Variants in WWOX observed in about 807,000 individuals in gnomAD.
WWOX encodes WW domain-containing oxidoreductase.
A neutral mutation model predicts 46.2 loss-of-function variants in WWOX; 69 were observed. That is an observed-to-expected ratio of 1.49 (90% CI 1.23 to 1.82). The LOEUF (loss-of-function observed/expected upper bound fraction) is 1.82. WWOX is among the 40% of genes most tolerant of loss of function. The probability of loss-of-function intolerance (pLI) is 0.00; values close to 1 mark genes in which losing one functional copy is unlikely to be tolerated. For missense variants in WWOX, 919 were observed against 542.6 expected (o/e 1.69, Z -6.89); for synonymous variants, 359 against 202.6 (o/e 1.77, Z -6.56).
intron 8 of WWOX, among the ~76,000 whole-genome samples, chr16:78,921,416 G>A (rs7204043): frequency 0.14 from 21,227 of 152,188 alleles, 1,903 homozygotes; most frequent in African/African-American, 0.25. Context: ...TAGGAGAGTA[G>A]ATAGAATCCT....
At chr16:78,469,494 G>A (rs146887710) in intron 8 of WWOX, among the ~76,000 whole-genome samples, 186 of 152,300 alleles carry the variant, frequency 1.2e-3, no homozygotes, top group African/African-American at 3.9e-3. Flanking sequence ...GGTGATGATG[G>A]TGTTACGAAT....
chr16:78,351,587 C>G (rs966876594), intron 5 of WWOX, among the ~76,000 whole-genome samples: 9 of 152,196 alleles, frequency 5.9e-5, no homozygotes, highest in African/African-American at 9.6e-5. Context: ...TGGATCCTGA[C>G]TAAGCGGAGC....
At chr16:78,699,828 C>T (rs75652625) in intron 8 of WWOX, among the ~76,000 whole-genome samples, 34 of 152,252 alleles carry the variant, frequency 2.2e-4, no homozygotes, top group African/African-American at 7.7e-4. Context: ...TAATTTATAT[C>T]CATGTAATAT....
chr16:78,182,307 G>T (rs1034430955), intron 5 of WWOX, among the ~76,000 whole-genome samples: 3 of 152,110 alleles, frequency 2.0e-5, no homozygotes, highest in Non-Finnish European at 4.4e-5. Flanking sequence ...GCAAAGAAAA[G>T]AAAAGAAATG....
At chr16:78,636,882 T>A (rs936231416) in intron 8 of WWOX, among the ~76,000 whole-genome samples, 1 of 152,146 alleles carries the variant, frequency 6.6e-6, no homozygotes, top group Non-Finnish European at 1.5e-5. Context: ...AAAGACCAAT[T>A]GTTAAGGACC....
intron 8 of WWOX, among the ~76,000 whole-genome samples, chr16:78,828,072 C>T (rs879393749): frequency 3.3e-5 from 5 of 152,146 alleles, no homozygotes; most frequent in Admixed American, 1.3e-4. Context: ...CCTGGTGTGT[C>T]TATTAGCTCC....
At chr16:78,568,546 G>A (rs1293350573) in intron 8 of WWOX, among the ~76,000 whole-genome samples, 2 of 150,122 alleles carry the variant, frequency 1.3e-5, no homozygotes, top group Non-Finnish European at 1.5e-5. Flanking sequence ...CCCGATCCTG[G>A]GTCACTGCAA....
chr16:78,842,991 G>C (rs772820936), intron 8 of WWOX, among the ~76,000 whole-genome samples: 2 of 150,276 alleles, frequency 1.3e-5, no homozygotes, highest in Admixed American at 1.3e-4. Context: ...AGGACTGGCA[G>C]GTGGAGAGGA....
intron 8 of WWOX, among the ~76,000 whole-genome samples, chr16:78,871,955 G>C (rs993111205): frequency 6.6e-6 from 1 of 152,134 alleles, no homozygotes; most frequent in Non-Finnish European, 1.5e-5. Flanking sequence ...CCATGCCCTA[G>C]GGAGAGCTTG....
intron 4 of WWOX, among the ~76,000 whole-genome samples, chr16:78,127,392 G>T (rs1436937898): frequency 6.6e-6 from 1 of 151,830 alleles, no homozygotes; most frequent in Non-Finnish European, 1.5e-5. Context: ...CTGTGAATTT[G>T]TCCTAAAATG....
At chr16:78,422,084 T>C (rs2082947702) in intron 6 of WWOX, among the ~76,000 whole-genome samples, 1 of 152,242 alleles carries the variant, frequency 6.6e-6, no homozygotes, top group African/African-American at 2.4e-5. Context: ...GCAATGGTTA[T>C]TTGTAATCTA....
intron 5 of WWOX, among the ~76,000 whole-genome samples, chr16:78,175,856 C>G (rs1042737597): frequency 5.9e-5 from 9 of 152,184 alleles, no homozygotes; most frequent in African/African-American, 2.2e-4. Flanking sequence ...GAGAAGGATC[C>G]TTAAGAGAGA....
chr16:78,802,622 T>C (rs966270270), intron 8 of WWOX, among the ~76,000 whole-genome samples: 1 of 151,918 alleles, frequency 6.6e-6, no homozygotes, highest in Non-Finnish European at 1.5e-5. Flanking sequence ...AGTAATGCAT[T>C]AATGGTTGAA....
At chr16:79,162,522 T>C (rs1440382896) in intron 8 of WWOX, among the ~76,000 whole-genome samples, 2 of 152,134 alleles carry the variant, frequency 1.3e-5, no homozygotes, top group Non-Finnish European at 2.9e-5. Flanking sequence ...TAGAAAGTCA[T>C]GGAAGGCCTC....
rs71137883 is a variant in WWOX, at chr16:78,269,914, G to GTTTTTTTTTTTTT, written c.516+105631_516+105643dup. On this transcript the variant is annotated intron_variant, in intron 5 of 8. Transcript: ENST00000566780. ...AGGAAACATATCTATACATAAGGAA[G>GTTTTTTTTTTTTT]TTTTTTTTTTTTTTTTTTACTTTCA... Among the ~76,000 whole-genome samples the GTTTTTTTTTTTTT allele has an allele frequency of 1.0e-3, 125 of 125,450 alleles. 3 individuals carry two copies. The highest frequency in any genetic ancestry group is 1.7e-3 in the East Asian group (7 of 4,152). 82.3% of individuals were successfully genotyped at this position (125,450 alleles called of 152,430 possible).
intron 6 of WWOX, among the ~76,000 whole-genome samples, chr16:78,391,010 T>C (rs1227324387): frequency 6.6e-6 from 1 of 152,186 alleles, no homozygotes; most frequent in African/African-American, 2.4e-5. Context: ...CAAGTGTTTC[T>C]CCACACTGGG....
intron 8 of WWOX, among the ~76,000 whole-genome samples, chr16:78,473,559 C>CTTACCTGTGAGCAGACAT (rs1567593833): frequency 3.9e-5 from 6 of 152,026 alleles, no homozygotes; most frequent in African/African-American, 1.5e-4. Context: ...TGAGCAGATA[C>CTTACCTGTGAGCAGACAT]ACTTATCTGT....
At chr16:78,932,453 A>G (rs935776912) in intron 8 of WWOX, among the ~76,000 whole-genome samples, 3 of 152,184 alleles carry the variant, frequency 2.0e-5, no homozygotes, top group Non-Finnish European at 4.4e-5. Context: ...TTGCCCCTCA[A>G]AATGTGCACA....
chr16:78,596,294 G>A (rs1199061456), intron 8 of WWOX, among the ~76,000 whole-genome samples: 1 of 152,154 alleles, frequency 6.6e-6, no homozygotes, highest in Non-Finnish European at 1.5e-5. Flanking sequence ...TTGAGATCCT[G>A]TCTGGCTGGG....
Sources: allele counts gnomAD v4.1 joint callset (sites outside exome capture counted in the v4.1 genomes callset), GRCh38; gene constraint gnomAD v4.1.1; transcripts MANE v1.5; gene names NCBI Gene and HGNC (gene_info 2026-07-23, HGNC 2026-07-21).